The following TENM3 variants were observed in gnomAD, a reference collection of about 807,000 sequenced individuals.
TENM3 encodes the protein teneurin transmembrane protein 3, also known as teneurin-3.
In TENM3, 63 loss-of-function variants were observed where a neutral mutation model predicts 255.1. That is an observed-to-expected ratio of 0.25 (90% CI 0.20 to 0.30). The LOEUF (loss-of-function observed/expected upper bound fraction) is 0.30. Ranked by LOEUF, TENM3 falls within the 10% of genes least tolerant of loss-of-function variation. The pLI, the probability that TENM3 is intolerant of heterozygous loss-of-function variation, is 1.00. For missense variants in TENM3, 2,929 were observed against 3,461.1 expected (o/e 0.85, Z 3.86); for synonymous variants, 1,306 against 1,322.3 (o/e 0.99, Z 0.27).
chr4:181,458,394 A>G, the TENM3 span, among the ~76,000 whole-genome samples: 1 of 151,918 alleles, frequency 6.6e-6, no homozygotes. Context: ...GTAGTCCATT[A>G]TTCTAACTTT....
the TENM3 span, among the ~76,000 whole-genome samples, chr4:181,979,944 G>A: frequency 6.6e-6 from 1 of 152,170 alleles, no homozygotes; most frequent in African/African-American, 2.4e-5. Context: ...AGGATGGAAG[G>A]TCCACTAGTT....
At chr4:181,635,307 C>T in the TENM3 span, among the ~76,000 whole-genome samples, 5 of 152,146 alleles carry the variant, frequency 3.3e-5, no homozygotes. Flanking sequence ...ATTTACTCTG[C>T]AGTGAAAATA....
Position 182,767,594 on chromosome 4 carries a change from G to A in TENM3, c.4893-5878G>A, listed in dbSNP as rs180850422. ...AATGTGTGTGTGTGTTTCTGGGTGG[G>A]TGTGTGTGTATATTACATACACACG... On this transcript the variant is annotated intron_variant, in intron 22 of 27. Transcript: ENST00000511685. Among the ~76,000 whole-genome samples, 600 of 151,888 alleles carry A rather than the reference G, an allele frequency of 4.0e-3. 2 individuals carry two copies. Among genetic ancestry groups the A allele is most frequent in the Non-Finnish European group, 6.6e-3 (447 of 68,006 alleles).
At chr4:181,959,239 G>A in the TENM3 span, among the ~76,000 whole-genome samples, 1 of 152,214 alleles carries the variant, frequency 6.6e-6, no homozygotes, top group Admixed American at 6.5e-5. Flanking sequence ...CCACATTCCA[G>A]GCCCCCAGTG....
intron 3 of TENM3, among the ~76,000 whole-genome samples, chr4:182,363,301 G>A (rs1020021149): frequency 3.7e-4 from 57 of 152,050 alleles, no homozygotes; most frequent in African/African-American, 1.2e-3. Flanking sequence ...TCATATAGAT[G>A]TGTGTGTATA....
At chr4:181,819,324 C>A in the TENM3 span, among the ~76,000 whole-genome samples, 2 of 152,016 alleles carry the variant, frequency 1.3e-5, no homozygotes, top group Non-Finnish European at 2.9e-5. Context: ...ATAAATAAAA[C>A]AAGTTAATTA....
At chr4:181,688,707 C>T in the TENM3 span, among the ~76,000 whole-genome samples, 5 of 152,118 alleles carry the variant, frequency 3.3e-5, no homozygotes, top group African/African-American at 4.8e-5. Context: ...AGGGGGCCTG[C>T]CACAGAGTAT....
At chr4:182,146,376 T>C (rs1365828917) in intron 1 of TENM3, among the ~76,000 whole-genome samples, 2 of 152,166 alleles carry the variant, frequency 1.3e-5, no homozygotes, top group East Asian at 3.9e-4. Context: ...AGTTCAGTAA[T>C]AAGACTTGCT....
At chr4:182,594,933 G>A (rs960389416) in intron 3 of TENM3, among the ~76,000 whole-genome samples, 2 of 152,008 alleles carry the variant, frequency 1.3e-5, no homozygotes, top group East Asian at 1.9e-4. Flanking sequence ...GGCCAGGCTG[G>A]TCTCGAACTC....
At chr4:182,334,502 A>G (rs529618243) in intron 2 of TENM3, among the ~76,000 whole-genome samples, 1 of 152,302 alleles carries the variant, frequency 6.6e-6, no homozygotes, top group South Asian at 2.1e-4. Flanking sequence ...AGCCGAAACC[A>G]TATTTAAAAG....
chr4:182,670,361 G>A (rs1020300716), intron 6 of TENM3, among the ~76,000 whole-genome samples: 3 of 152,230 alleles, frequency 2.0e-5, no homozygotes, highest in Non-Finnish European at 4.4e-5. Context: ...TACCATGATT[G>A]TGAACACTGG....
At chr4:181,867,634 C>G in the TENM3 span, among the ~76,000 whole-genome samples, 1 of 152,054 alleles carries the variant, frequency 6.6e-6, no homozygotes, top group Non-Finnish European at 1.5e-5. Flanking sequence ...ACTGAGCAAA[C>G]GAGTTATCAT....
the TENM3 span, among the ~76,000 whole-genome samples, chr4:181,738,554 G>T: frequency 6.6e-6 from 1 of 152,048 alleles, no homozygotes; most frequent in Admixed American, 6.6e-5. Flanking sequence ...GAATGTTTAG[G>T]TTTGGTAATT....
At chr4:182,600,021 T>C (rs1747673306) in intron 3 of TENM3, among the ~76,000 whole-genome samples, 1 of 152,226 alleles carries the variant, frequency 6.6e-6, no homozygotes. Flanking sequence ...TATGACGTAT[T>C]AGCTTTACGG....
chr4:182,080,686 G>T, the TENM3 span, among the ~76,000 whole-genome samples: 1 of 152,160 alleles, frequency 6.6e-6, no homozygotes, highest in African/African-American at 2.4e-5. Context: ...TGTAATGACA[G>T]AACATTCAAT....
At chr4:181,996,906 G>A in the TENM3 span, among the ~76,000 whole-genome samples, 2 of 152,208 alleles carry the variant, frequency 1.3e-5, no homozygotes, top group African/African-American at 2.4e-5. Flanking sequence ...TGACTCTTCT[G>A]AGGAGCGGAT....
At chr4:181,525,841 A>ACGC in the TENM3 span, among the ~76,000 whole-genome samples, 1 of 152,180 alleles carries the variant, frequency 6.6e-6, no homozygotes, top group African/African-American at 2.4e-5. Flanking sequence ...TAAACTTTGC[A>ACGC]CGCGCTACTT....
chr4:182,245,537 C>T (rs1757579011), intron 1 of TENM3, among the ~76,000 whole-genome samples: 1 of 152,172 alleles, frequency 6.6e-6, no homozygotes, highest in South Asian at 2.1e-4. Context: ...ATGAAGGCAG[C>T]GTCGTGGCCC....
the TENM3 span, among the ~76,000 whole-genome samples, chr4:181,646,637 T>C: frequency 2.0e-5 from 3 of 152,174 alleles, no homozygotes; most frequent in Non-Finnish European, 2.9e-5. Context: ...AATTTAAAGA[T>C]GCTATTTAAA....
Sources: allele counts gnomAD v4.1 joint callset (sites outside exome capture counted in the v4.1 genomes callset), GRCh38; gene constraint gnomAD v4.1.1; transcripts MANE v1.5; gene names NCBI Gene and HGNC (gene_info 2026-07-23, HGNC 2026-07-21).